The following ZNF799 variants were observed in gnomAD, a reference collection of about 807,000 sequenced individuals.
ZNF799 encodes the protein zinc finger protein 799, also known as zinc finger protein 14.
Under a neutral mutation model 41.0 loss-of-function variants are expected in ZNF799, and 28 were observed. The ratio of observed to expected loss-of-function variants is 0.68; its 90% CI spans 0.51 to 0.94. The LOEUF is 0.94. ZNF799 is among the 40% of genes least tolerant of loss of function. ZNF799 has a pLI of 0.00. For missense variants in ZNF799, 716 were observed against 764.3 expected, an observed-to-expected ratio of 0.94 and a Z score of 0.74; for synonymous variants, 213 against 252.9, an observed-to-expected ratio of 0.84 and a Z score of 1.50.
the ZNF799 span, among the ~76,000 whole-genome samples, chr19:12,406,691 G>A: frequency 6.6e-6 from 1 of 151,914 alleles, no homozygotes; most frequent in African/African-American, 2.4e-5. Context: ...ACGAGGTCAG[G>A]AGATCGAGAC....
chr19:12,390,228 G>T lies in ZNF799; in HGVS notation c.*238C>A. 1.4e-6 allele frequency: 1 copy of T among 736,194 alleles called. No individual in the cohort carries two copies. Among genetic ancestry groups the T allele is most frequent in the South Asian group, 2.0e-5 (1 of 50,810 alleles). The allele number at this position is 736,194 out of a possible 1,614,324, so 45.6% of individuals were successfully genotyped here. A position where few individuals can be genotyped will look rare whatever the true frequency, so the allele number is the denominator to read the frequency against. On this transcript the variant is annotated 3_prime_UTR_variant, in exon 4 of 4. Transcript: ENST00000430385. Reference sequence around the variant, plus strand: ...ATTGAGAGTATACAAGAGGATGTGGGTAAGTTACATACAAATATGTCATTT... The same window carrying T: ...ATTGAGAGTATACAAGAGGATGTGGTTAAGTTACATACAAATATGTCATTT...
At chr19:12,408,103 A>C in the ZNF799 span, among the ~76,000 whole-genome samples, 1 of 152,110 alleles carries the variant, frequency 6.6e-6, no homozygotes, top group Admixed American at 6.6e-5. Flanking sequence ...ACAGTCAGCT[A>C]TGATTGTGCC....
chr19:12,413,337 G>A, the ZNF799 span, among the ~76,000 whole-genome samples: 42 of 152,226 alleles, frequency 2.8e-4, no homozygotes, highest in Admixed American at 6.5e-4. Context: ...TTAGGAAAGC[G>A]TCTGATTTGT....
rs555977389 is a variant in ZNF799, at chr19:12,390,635, T to A, written c.1763A>T (p.Tyr588Phe). The change falls in exon 4 of 4, where the codon TAT becomes TTT. Residue 588 changes from tyrosine to phenylalanine, a missense_variant. Tyr to Phe is a conservative substitution (Grantham distance 22). Coordinates refer to ENST00000430385, the MANE Select transcript of ZNF799 (RefSeq NM_001080821.3). ...HEKTHTGENP[Y>F]ECKECGKAFA... is the part of the protein sequence containing the mutation. ...TGCTTTCCCACATTCCTTACATTCATACGGGTTCTCTCCAGTATGAGTTTT... is the reference window on the plus strand; with the variant it reads ...TGCTTTCCCACATTCCTTACATTCAAACGGGTTCTCTCCAGTATGAGTTTT... 6.2e-7 allele frequency: 1 copy of A among 1,613,974 alleles called. No homozygotes were observed.
chr19:12,411,670 T>C, the ZNF799 span, among the ~76,000 whole-genome samples: 2 of 152,128 alleles, frequency 1.3e-5, no homozygotes, highest in African/African-American at 4.8e-5. Flanking sequence ...TGGAGTGCAG[T>C]GGCTCGATCT....
chr19:12,410,174 TATACATACATAC>T, the ZNF799 span, among the ~76,000 whole-genome samples: 1 of 68,748 alleles, frequency 1.5e-5, no homozygotes, highest in African/African-American at 7.9e-5. Flanking sequence ...AATATATATA[TATACATACATAC>T]ATACATACAT....
chr19:12,393,793 G>C (rs190061862), intron 1 of ZNF799: 319 of 1,084,082 alleles, frequency 2.9e-4, no homozygotes, highest in Admixed American at 4.7e-4. Context: ...CTGAGACTGT[G>C]TGTCCTTACA....
the ZNF799 span, among the ~76,000 whole-genome samples, chr19:12,409,753 T>C: frequency 6.6e-6 from 1 of 152,116 alleles, no homozygotes; most frequent in Non-Finnish European, 1.5e-5. Flanking sequence ...CAGTTGAAAA[T>C]CTTCCAGAAA....
At chr19:12,399,230 C>G (rs1466192107) in intron 1 of ZNF799, among the ~76,000 whole-genome samples, 1 of 152,216 alleles carries the variant, frequency 6.6e-6, no homozygotes, top group Non-Finnish European at 1.5e-5. Flanking sequence ...TCCCTTAACC[C>G]TATTCTGGTC....
chr19:12,390,708 G>A lies in ZNF799; in HGVS notation c.1690C>T (p.Gln564Ter). The A allele has an allele frequency of 6.2e-7, 1 of 1,613,426 alleles. No homozygotes were observed. The highest frequency in any genetic ancestry group is 8.5e-7 in the Non-Finnish European group (1 of 1,179,824). ...HMREKPYECQ[Q>*]CGKAFTHSRF... The stretch of plus-strand genomic sequence containing the variant: ...GAATGAGTGAAGGCTTTACCACATT[G>A]TTGACACTCATAGGGTTTCTCTCTC... The change falls in exon 4 of 4, where the codon CAA (glutamine) becomes TAA (stop). Residue 564 changes from glutamine to a stop codon, truncating the protein, a stop_gained. Coordinates refer to ENST00000430385, the MANE Select transcript of ZNF799 (RefSeq NM_001080821.3). LOFTEE classifies it high-confidence loss of function.
chr19:12,396,970 G>A (rs1322452243), intron 1 of ZNF799, among the ~76,000 whole-genome samples: 3 of 152,140 alleles, frequency 2.0e-5, no homozygotes, highest in Non-Finnish European at 4.4e-5. Context: ...GCATATATAT[G>A]AAGAGCATTA....
At chr19:12,409,127 G>A in the ZNF799 span, among the ~76,000 whole-genome samples, 10 of 152,052 alleles carry the variant, frequency 6.6e-5, no homozygotes, top group South Asian at 2.1e-4. Flanking sequence ...ATGGAATTGC[G>A]CTGTAGGGGA....
chr19:12,407,912 T>G, the ZNF799 span, among the ~76,000 whole-genome samples: 1 of 152,156 alleles, frequency 6.6e-6, no homozygotes, highest in African/African-American at 2.4e-5. Flanking sequence ...TCCCAGGACC[T>G]TTAGGAGGCC....
upstream of ZNF799, among the ~76,000 whole-genome samples, chr19:12,404,264 A>G (rs1970015763): frequency 6.6e-6 from 1 of 152,170 alleles, no homozygotes; most frequent in East Asian, 1.9e-4. Context: ...TATTAGATCC[A>G]TTTGATCTAT....
intron 2 of ZNF799, 36 bp from the exon 3 acceptor site, chr19:12,392,699 T>G: frequency 6.5e-7 from 1 of 1,531,672 alleles, no homozygotes; most frequent in Non-Finnish European, 8.9e-7. Context: ...TTACAAATTT[T>G]TACAAAATTA....
the ZNF799 span, among the ~76,000 whole-genome samples, chr19:12,410,090 G>A: frequency 3.1e-3 from 479 of 152,104 alleles, 2 homozygotes; most frequent in African/African-American, 0.011. Context: ...GGAAGTTGCA[G>A]TGAGCTGAAA....
At chr19:12,393,746 C>A in intron 1 of ZNF799, 1 of 1,127,474 alleles carries the variant, frequency 8.9e-7, no homozygotes, top group Non-Finnish European at 1.1e-6. Context: ...TAAAGTCCTA[C>A]TACTTATTGT....
upstream of ZNF799, among the ~76,000 whole-genome samples, chr19:12,406,180 A>G (rs899362654): frequency 6.6e-5 from 10 of 150,788 alleles, no homozygotes; most frequent in African/African-American, 2.4e-4. Flanking sequence ...AAAAAAAAAA[A>G]AAAAAGAAAA....
chr19:12,403,938 G>A (rs1332321783), upstream of ZNF799, among the ~76,000 whole-genome samples: 1 of 152,064 alleles, frequency 6.6e-6, no homozygotes, highest in Admixed American at 6.5e-5. Flanking sequence ...ATAGGTTTTG[G>A]TATGTTGCAT....
Sources: gnomAD v4.1 joint callset for allele counts (sites outside exome capture counted in the v4.1 genomes callset) on GRCh38, gnomAD v4.1.1 for gene constraint, MANE v1.5 for transcripts, NCBI Gene and HGNC (gene_info 2026-07-23, HGNC 2026-07-21) for gene names.